The following RRN3 variants were observed in gnomAD, a reference collection of about 807,000 sequenced individuals.
RRN3 encodes RNA polymerase I-specific transcription initiation factor RRN3.
RRN3 carries 38 observed loss-of-function variants against 82.3 expected under a neutral mutation model. That is an observed-to-expected ratio of 0.46 (90% CI 0.36 to 0.61). The LOEUF (loss-of-function observed/expected upper bound fraction) is 0.61, where lower values mean the gene tolerates loss of function less well. Ranked by LOEUF, RRN3 falls within the 20% of genes least tolerant of loss-of-function variation. The pLI is 0.00. For synonymous variants in RRN3, 284 were observed against 284.3 expected, an observed-to-expected ratio of 1.00 and a Z score of 0.01; for missense variants, 726 against 793.1, an observed-to-expected ratio of 0.92 and a Z score of 1.02.
intron 17 of RRN3, among the ~76,000 whole-genome samples, chr16:15,062,189 C>T (rs928304717): frequency 2.0e-5 from 3 of 152,130 alleles, no homozygotes; most frequent in Non-Finnish European, 4.4e-5. Context: ...CTGATAAGCA[C>T]TTCCTTCTTA....
chr16:15,084,340 C>T (rs1282142011), intron 7 of RRN3, among the ~76,000 whole-genome samples: 1 of 152,086 alleles, frequency 6.6e-6, no homozygotes, highest in Non-Finnish European at 1.5e-5. Context: ...GACACAAACA[C>T]ACCCAGGGGT....
At position 15,086,130 on chromosome 16, in the gene RRN3, A is replaced by C. The variant is rs1433823219; in HGVS notation, c.471T>G (p.Pro157=). The C allele has an allele frequency of 6.2e-7, 1 of 1,605,358 alleles. No homozygotes were observed. The highest frequency in any genetic ancestry group is 2.2e-5 in the East Asian group (1 of 44,764). Residue 157 remains proline (P), a splice_region_variant and synonymous_variant, in exon 5 of 18, where the codon CCT becomes CCG. Coordinates refer to ENST00000198767, the MANE Select transcript of RRN3 (RefSeq NM_018427.5). ...ATAAAATTCCAAGCAATGACTTACG[A>C]GGCACAAAATGGGAAGCAATCATGC... ...CLSMIASHFV[P]PRVIIKEGDV... is the part of the protein sequence containing the mutation.
chr16:15,085,741 A>G, intron 5 of RRN3, 43 bp from the exon 6 acceptor site: 2 of 1,609,754 alleles, frequency 1.2e-6, no homozygotes, highest in South Asian at 1.1e-5. Context: ...TCATTGATCT[A>G]GACAATGAAT....
intron 10 of RRN3, among the ~76,000 whole-genome samples, chr16:15,076,206 G>A (rs920080199): frequency 6.6e-6 from 1 of 152,088 alleles, no homozygotes; most frequent in Non-Finnish European, 1.5e-5. Flanking sequence ...CCACCCAAAA[G>A]AAGTAATGCT....
Position 15,074,446 on chromosome 16 carries a change from G to A in RRN3, c.997+277C>T, listed in dbSNP as rs760434096. On this transcript the variant is annotated intron_variant, in intron 11 of 17. Transcript: ENST00000198767. Reference sequence around the variant, plus strand: ...CTTCAGTGCATTCAGCAACTTGAGCGTAATTTGATCTAAAACTGGCCAAAC... The same window carrying A: ...CTTCAGTGCATTCAGCAACTTGAGCATAATTTGATCTAAAACTGGCCAAAC... Among the ~76,000 whole-genome samples, 109 of 152,148 alleles carry A rather than the reference G, an allele frequency of 7.2e-4. 1 individual carries two copies. Among genetic ancestry groups the A allele is most frequent in the Non-Finnish European group, 3.4e-4 (23 of 68,010 alleles).
intron 3 of RRN3, among the ~76,000 whole-genome samples, chr16:15,087,990 C>A (rs1190884048): frequency 1.3e-5 from 2 of 151,858 alleles, no homozygotes; most frequent in Non-Finnish European, 2.9e-5. Context: ...GGTGCATGCC[C>A]GTAATCCCAG....
chr16:15,094,281 C>T, upstream of RRN3: 3 of 1,431,450 alleles, frequency 2.1e-6, no homozygotes, highest in East Asian at 2.5e-5. Context: ...ATGCCCAGCT[C>T]CTTCCAGCCA....
chr16:15,084,059 C>T (rs1198553742), intron 7 of RRN3, among the ~76,000 whole-genome samples: 13 of 152,178 alleles, frequency 8.5e-5, no homozygotes, highest in Admixed American at 7.9e-4. Flanking sequence ...AAATCTATAA[C>T]GACTTAGAGA....
chr16:15,089,449 T>C (rs2046032086), intron 3 of RRN3, among the ~76,000 whole-genome samples: 1 of 152,030 alleles, frequency 6.6e-6, no homozygotes, highest in African/African-American at 2.4e-5. Context: ...GAGTCAAGTT[T>C]TGAAGCCCAA....
intron 15 of RRN3, among the ~76,000 whole-genome samples, chr16:15,067,782 G>A (rs964950230): frequency 1.3e-5 from 2 of 152,114 alleles, no homozygotes; most frequent in African/African-American, 4.8e-5. Context: ...TTAAGAGACA[G>A]GGTCTCATTC....
chr16:15,074,694 T>G, intron 11 of RRN3, 29 bp downstream of exon 11: 1 of 1,580,204 alleles, frequency 6.3e-7, no homozygotes, highest in East Asian at 2.3e-5. Flanking sequence ...ACTGCAGGTG[T>G]TCAATAAACA....
At chr16:15,070,923 A>G (rs938601729) in intron 13 of RRN3, among the ~76,000 whole-genome samples, 198 bp downstream of exon 13, 7 of 152,316 alleles carry the variant, frequency 4.6e-5, no homozygotes, top group South Asian at 2.1e-4. Context: ...AGCCTTACAT[A>G]CAGGGTTTTA....
At chr16:15,080,149 A>G (rs549123518) in intron 8 of RRN3, 53 bp from the exon 9 acceptor site, 14 of 1,530,872 alleles carry the variant, frequency 9.1e-6, no homozygotes, top group African/African-American at 5.6e-5. Flanking sequence ...AACGTTTCAC[A>G]GTTATGTAAG....
chr16:15,069,148 G>C (rs112527105), intron 14 of RRN3, among the ~76,000 whole-genome samples: 1 of 152,198 alleles, frequency 6.6e-6, no homozygotes, highest in Admixed American at 6.5e-5. Context: ...AGCTGTGGCT[G>C]TTAACCCAAG....
chr16:15,084,210 G>GT (rs2045823458), intron 7 of RRN3, among the ~76,000 whole-genome samples: 2 of 152,120 alleles, frequency 1.3e-5, no homozygotes, highest in Non-Finnish European at 2.9e-5. Context: ...CATCAAGTTG[G>GT]ATTTTTTTTA....
At chr16:15,078,958 C>A (rs1206355018) in intron 9 of RRN3, among the ~76,000 whole-genome samples, 1 of 151,968 alleles carries the variant, frequency 6.6e-6, no homozygotes, top group Non-Finnish European at 1.5e-5. Context: ...ACTATAGGTG[C>A]CCACCACCAT....
In RRN3 at chr16:15,060,484, T is replaced by C. The variant is rs2044671897; in HGVS notation, c.*1260A>G. The C allele has an allele frequency of 6.5e-6, 1 of 154,890 alleles. No individual in the cohort carries two copies. The highest frequency in any genetic ancestry group is 1.4e-5 in the Non-Finnish European group (1 of 69,660). The allele number at this position is 154,890 out of a possible 1,614,324, so 9.6% of individuals were successfully genotyped here. A position where few individuals can be genotyped will look rare whatever the true frequency, so the allele number is the denominator to read the frequency against. On this transcript the variant is annotated 3_prime_UTR_variant, in exon 18 of 18. Transcript: ENST00000198767. ...GAAGTATTTCATTACAAAATATTTA[T>C]GATCAAGAAAATATTGCTTGCCTTT...
At chr16:15,071,839 G>T (rs757230649) in intron 12 of RRN3, among the ~76,000 whole-genome samples, 4 of 152,194 alleles carry the variant, frequency 2.6e-5, no homozygotes, top group Non-Finnish European at 1.5e-5. Context: ...TTGTGACAGG[G>T]CTTTGGAATC....
At chr16:15,090,025 A>G (rs1003995570) in intron 3 of RRN3, among the ~76,000 whole-genome samples, 6 of 151,902 alleles carry the variant, frequency 3.9e-5, no homozygotes, top group Non-Finnish European at 8.8e-5. Context: ...CCTGGCCAAC[A>G]TGGTGAAACC....
Sources: allele counts gnomAD v4.1 joint callset (sites outside exome capture counted in the v4.1 genomes callset), GRCh38; gene constraint gnomAD v4.1.1; transcripts MANE v1.5; gene names NCBI Gene and HGNC (gene_info 2026-07-23, HGNC 2026-07-21).